FAM98B: variants seen among roughly 807,000 people sequenced by gnomAD.
FAM98B encodes the protein tRNA-splicing ligase complex subunit FAM98B.
FAM98B carries 32 observed loss-of-function variants against 43.9 expected under a neutral mutation model. The ratio of observed to expected loss-of-function variants is 0.73; its 90% CI spans 0.55 to 0.98. The LOEUF (loss-of-function observed/expected upper bound fraction) is 0.98. FAM98B is among the 50% of genes least tolerant of loss of function. The probability of loss-of-function intolerance (pLI) is 0.00; values close to 1 mark genes in which losing one functional copy is unlikely to be tolerated. For missense variants in FAM98B, 514 were observed against 522.9 expected, an observed-to-expected ratio of 0.98 and a Z score of 0.17; for synonymous variants, 190 against 174.0, an observed-to-expected ratio of 1.09 and a Z score of -0.72.
Position 38,465,249 on chromosome 15 carries a change from A to G in FAM98B, c.218-20A>G. ...ATGGTAAATGCTCAGTAAATGTTTTATGATTTTTCTTTTTTAAAGGAAGAG... is the reference window on the plus strand; with the variant it reads ...ATGGTAAATGCTCAGTAAATGTTTTGTGATTTTTCTTTTTTAAAGGAAGAG... On this transcript the variant is annotated intron_variant, in intron 2 of 7. Coordinates refer to ENST00000397609, the MANE Select transcript of FAM98B (RefSeq NM_173611.4). 5.0e-6 allele frequency: 8 copies of G among 1,594,682 alleles called. No homozygotes were observed. The highest frequency in any genetic ancestry group is 6.8e-6 in the Non-Finnish European group (8 of 1,174,882).
At chr15:38,458,353 C>A (rs1889884461) in intron 1 of FAM98B, among the ~76,000 whole-genome samples, 1 of 152,194 alleles carries the variant, frequency 6.6e-6, no homozygotes, top group African/African-American at 2.4e-5. Context: ...GAGGAAAGGT[C>A]ATGGTTTGGC....
At chr15:38,472,551 A>G (rs1401499389) in intron 4 of FAM98B, among the ~76,000 whole-genome samples, 2 of 152,066 alleles carry the variant, frequency 1.3e-5, no homozygotes, top group Non-Finnish European at 2.9e-5. Flanking sequence ...GTATATATAT[A>G]TAGTTCAGTG....
At chr15:38,476,465 C>G (rs4482237) in intron 6 of FAM98B, among the ~76,000 whole-genome samples, 39,041 of 150,972 alleles carry the variant, frequency 0.26, 5,368 homozygotes, top group East Asian at 0.52. Context: ...TTCTGAAATG[C>G]TTTAGTCAGA....
In FAM98B at chr15:38,470,349, A is replaced by ATAC. The variant is rs1312778014; in HGVS notation, c.476_478dup (p.Ile159_Pro160insLeu). 6 of 1,605,850 alleles carry ATAC rather than the reference A, an allele frequency of 3.7e-6. No individual in the cohort carries two copies. Among genetic ancestry groups the ATAC allele is most frequent in the Non-Finnish European group, 5.1e-6 (6 of 1,177,838 alleles). On this transcript the variant is annotated inframe_insertion, in exon 4 of 8. Transcript: ENST00000397609. Reference sequence around the variant, plus strand: ...TCAAGCTATGTTTGATACACTTGGTATACCCAAGTCAACAACTTCTGACAT... The same window carrying ATAC: ...TCAAGCTATGTTTGATACACTTGGTATACTACCCAAGTCAACAACTTCTGACAT...
intron 6 of FAM98B, among the ~76,000 whole-genome samples, chr15:38,480,679 C>T (rs1890269041): frequency 6.6e-6 from 1 of 151,980 alleles, no homozygotes; most frequent in Non-Finnish European, 1.5e-5. Context: ...TGAACAGCAT[C>T]CTGGCACATT....
chr15:38,481,277 A>C lies in FAM98B; in HGVS notation c.730-15A>C, dbSNP rs775630121. On this transcript the variant is annotated splice_polypyrimidine_tract_variant and intron_variant, in intron 6 of 7. Transcript: ENST00000397609. The stretch of plus-strand genomic sequence containing the variant: ...TGTACTTTTGTTCCTTTTTTCCTTA[A>C]CTCTTGTCATTTAGGTAAAAACAGA... 6.3e-7 allele frequency: 1 copy of C among 1,598,184 alleles called. No homozygotes were observed. Among genetic ancestry groups the C allele is most frequent in the Non-Finnish European group, 8.6e-7 (1 of 1,168,446 alleles).
chr15:38,458,349 A>G (rs114449543), intron 1 of FAM98B, among the ~76,000 whole-genome samples: 128 of 152,318 alleles, frequency 8.4e-4, no homozygotes, highest in African/African-American at 3.0e-3. Context: ...CACTGAGGAA[A>G]GGTCATGGTT....
At chr15:38,480,183 T>C (rs1034877218) in intron 6 of FAM98B, among the ~76,000 whole-genome samples, 1 of 152,190 alleles carries the variant, frequency 6.6e-6, no homozygotes, top group African/African-American at 2.4e-5. Flanking sequence ...GTAGTTGTTT[T>C]TAAATTGAAA....
Position 38,487,673 on chromosome 15 carries a change from C to G in FAM98B, c.*3014C>G, listed in dbSNP as rs896647930. Reference sequence around the variant, plus strand: ...GTCTGATCATTCTAAATAATCATGACCACAAATAAATTGCCCTGAGTAGGT... The same window carrying G: ...GTCTGATCATTCTAAATAATCATGAGCACAAATAAATTGCCCTGAGTAGGT... On this transcript the variant is annotated 3_prime_UTR_variant, in exon 8 of 8. Transcript: ENST00000397609. 6.6e-5 allele frequency: 10 copies of G among 151,970 alleles called. No homozygotes were observed. Among genetic ancestry groups the G allele is most frequent in the Admixed American group, 5.2e-4 (8 of 15,248 alleles). The allele number at this position is 151,970 out of a possible 1,614,324, so 9.4% of individuals were successfully genotyped here. A position where few individuals can be genotyped will look rare whatever the true frequency, so the allele number is the denominator to read the frequency against.
intron 1 of FAM98B, among the ~76,000 whole-genome samples, chr15:38,463,327 C>G (rs552778953): frequency 1.3e-5 from 2 of 151,936 alleles, no homozygotes; most frequent in Admixed American, 1.3e-4. Context: ...CCCCTTTCTA[C>G]TAAAAATACA....
chr15:38,458,194 G>A (rs982628636), intron 1 of FAM98B, among the ~76,000 whole-genome samples: 1 of 152,152 alleles, frequency 6.6e-6, no homozygotes, highest in South Asian at 2.1e-4. Flanking sequence ...GGCCACTGGG[G>A]TACTGGCCTG....
In FAM98B at chr15:38,464,021, T is replaced by C; in HGVS notation, c.72-11T>C. The C allele has an allele frequency of 1.3e-6, 2 of 1,582,760 alleles. No individual in the cohort carries two copies. The highest frequency in any genetic ancestry group is 1.7e-6 in the Non-Finnish European group (2 of 1,164,846). ...TTATTTAGTTTTTAACTTGTATTTC[T>C]TCCTTTCTAGGTATAAAGGACCATT... On this transcript the variant is annotated splice_polypyrimidine_tract_variant and intron_variant, in intron 1 of 7. Transcript: ENST00000397609.
chr15:38,476,688 AAGAT>A (rs1595802823), intron 6 of FAM98B, among the ~76,000 whole-genome samples: 2 of 149,546 alleles, frequency 1.3e-5, no homozygotes, highest in East Asian at 3.9e-4. Context: ...ATCTTGATTA[AAGAT>A]AGAAACTTTG....
chr15:38,470,583 A>G (rs912512312), intron 4 of FAM98B, 178 bp downstream of exon 4: 3 of 463,126 alleles, frequency 6.5e-6, no homozygotes, highest in African/African-American at 6.2e-5. Context: ...ATCTGTCAGT[A>G]GCTGATATTC....
Position 38,464,232 on chromosome 15 carries a change from C to T in FAM98B, c.217+55C>T, listed in dbSNP as rs148366579. On this transcript the variant is annotated intron_variant, in intron 2 of 7. Transcript: ENST00000397609. ...TGTTTAATAGTAAACTGATAACTTACGGTTTATAGTTTTATCAATAATGTG... is the reference window on the plus strand; with the variant it reads ...TGTTTAATAGTAAACTGATAACTTATGGTTTATAGTTTTATCAATAATGTG... 5.2e-4 allele frequency: 780 copies of T among 1,493,244 alleles called. 2 individuals carry two copies. The highest frequency in any genetic ancestry group is 3.5e-3 in the Middle Eastern group (18 of 5,084). The allele number at this position is 1,493,244 out of a possible 1,614,324, so 92.5% of individuals were successfully genotyped here.
In FAM98B at chr15:38,484,708, G is replaced by A; in HGVS notation, c.*49G>A. 1 of 1,487,900 alleles carries A rather than the reference G, an allele frequency of 6.7e-7. No homozygotes were observed. The highest frequency in any genetic ancestry group is 2.7e-5 in the East Asian group (1 of 37,448). The allele number at this position is 1,487,900 out of a possible 1,614,324, so 92.2% of individuals were successfully genotyped here. On this transcript the variant is annotated 3_prime_UTR_variant, in exon 8 of 8. Coordinates refer to ENST00000397609, the MANE Select transcript of FAM98B (RefSeq NM_173611.4). ...TGCTTGCTTCTTTATAGATACATTA[G>A]AAATAGTGTTCCAAATAACATACTT...
chr15:38,482,648 C>T (rs1381817202), intron 7 of FAM98B: 7 of 152,170 alleles, frequency 4.6e-5, no homozygotes, highest in Non-Finnish European at 1.0e-4. Context: ...AAATCCTAAA[C>T]TTGGTTTTGA....
At chr15:38,473,668 A>G in intron 5 of FAM98B, 83 bp downstream of exon 5, 1 of 1,018,926 alleles carries the variant, frequency 9.8e-7, no homozygotes, top group Non-Finnish European at 1.5e-6. Flanking sequence ...TCTATTTTGC[A>G]ATATGTAGCA....
chr15:38,455,139 A>G (rs1889828697), intron 1 of FAM98B, among the ~76,000 whole-genome samples: 1 of 152,092 alleles, frequency 6.6e-6, no homozygotes, highest in African/African-American at 2.4e-5. Flanking sequence ...TATTTTATTC[A>G]CCGATGTTTT....
Sources: allele counts gnomAD v4.1 joint callset (sites outside exome capture counted in the v4.1 genomes callset), GRCh38; gene constraint gnomAD v4.1.1; transcripts MANE v1.5; gene names NCBI Gene and HGNC (gene_info 2026-07-23, HGNC 2026-07-21).